The following HSPG2 variants were observed in gnomAD, a reference collection of about 807,000 sequenced individuals.
HSPG2 encodes heparan sulfate proteoglycan 2.
HSPG2 carries 278 observed loss-of-function variants against 526.6 expected under a neutral mutation model. The ratio of observed to expected loss-of-function variants is 0.53; its 90% CI spans 0.48 to 0.58. The LOEUF (loss-of-function observed/expected upper bound fraction) is 0.58, where lower values mean the gene tolerates loss of function less well. Among genes scored for constraint, HSPG2 ranks in the 20% least tolerant of loss-of-function variants. The probability of loss-of-function intolerance (pLI) is 0.00; values close to 1 mark genes in which losing one functional copy is unlikely to be tolerated. For missense variants in HSPG2, 5,354 were observed against 6,099.5 expected, an observed-to-expected ratio of 0.88 and a Z score of 4.07; for synonymous variants, 2,465 against 2,555.4, an observed-to-expected ratio of 0.96 and a Z score of 1.07.
Position 21,846,538 on chromosome 1 carries a change from C to T in HSPG2, c.8226G>A (p.Glu2742=), listed in dbSNP as rs745624545. 1.9e-6 allele frequency: 3 copies of T among 1,613,754 alleles called. No individual in the cohort carries two copies. The African/African-American group carries it at 4.0e-5, about 21-fold the overall frequency. Residue 2742 remains glutamate, a synonymous_variant, in exon 63 of 97, where the codon GAG becomes GAA. Transcript: ENST00000374695. ...GGACCACGCAGTTCAGATCCAGGGTCTCCCCTTCGGCCACGTGTGAGGAGG... is the reference window on the plus strand; with the variant it reads ...GGACCACGCAGTTCAGATCCAGGGTTTCCCCTTCGGCCACGTGTGAGGAGG... ...ESSSSHVAEG[E]TLDLNCVVPG...
chr1:21,875,604 G>C (rs1179583941), intron 25 of HSPG2, 25 bp downstream of exon 25: 1 of 1,573,892 alleles, frequency 6.4e-7, no homozygotes, highest in Non-Finnish European at 8.6e-7. Context: ...GCCCATGCTG[G>C]TCCTCCTGCC....
At position 21,880,846 on chromosome 1, in the gene HSPG2, A is replaced by G. The variant is rs1188611128; in HGVS notation, c.1819-11T>C. 6.3e-7 allele frequency: 1 copy of G among 1,584,218 alleles called. No individual in the cohort carries two copies. The stretch of plus-strand genomic sequence containing the variant: ...GCCATAGGAGTCCACCTGGCACAAC[A>G]GGGTGGATCAGCACGGGCAGCTGTG... On this transcript the variant is annotated splice_polypyrimidine_tract_variant and intron_variant, in intron 14 of 96. Coordinates refer to ENST00000374695, the MANE Select transcript of HSPG2 (RefSeq NM_005529.7).
chr1:21,872,394 G>A lies in HSPG2; in HGVS notation c.4030-17C>T, dbSNP rs1572305354. 1.3e-6 allele frequency: 2 copies of A among 1,554,104 alleles called. No homozygotes were observed. Among genetic ancestry groups the A allele is most frequent in the Non-Finnish European group, 8.7e-7 (1 of 1,147,526 alleles). ...GGTGGAGATCTGGCAGGGGAAAAAG[G>A]AGGGGGCGTCAGCCTGAGCACCGGG... On this transcript the variant is annotated splice_polypyrimidine_tract_variant and intron_variant, in intron 32 of 96. Coordinates refer to ENST00000374695, the MANE Select transcript of HSPG2 (RefSeq NM_005529.7). This position sits in a 1 kb window ranked among gnomAD's most constrained non-coding sequence, Gnocchi z 5.5.
chr1:21,894,553 G>A (rs1642609710), intron 3 of HSPG2, among the ~76,000 whole-genome samples: 1 of 152,128 alleles, frequency 6.6e-6, no homozygotes, highest in South Asian at 2.1e-4. Flanking sequence ...CTGGTCTTGG[G>A]CCCCCTACAG....
rs1380610851 is a variant in HSPG2 at position 21,841,217 on chromosome 1, C to T, written c.9397G>A (p.Glu3133Lys). The T allele has an allele frequency of 6.2e-7, 1 of 1,613,786 alleles. No individual in the cohort carries two copies. Among genetic ancestry groups the T allele is most frequent in the Non-Finnish European group, 8.5e-7 (1 of 1,180,050 alleles). The change falls in exon 71 of 97, where the codon GAG (glutamate) becomes AAG (lysine). Residue 3133 changes from glutamate to lysine, a missense_variant. Physicochemically the swap from Glu to Lys is moderately conservative, Grantham distance 56. Transcript: ENST00000374695. ...WVKVGKAVTL[E>K]CVSAGEPRSS... ...CGGGGCTCCCCGGCACTGACACACT[C>T]CAGGGTGACAGCCTTTCCCACTTTC...
At chr1:21,863,377 AAAAAGAAAAAG>A (rs997185900) in intron 37 of HSPG2, among the ~76,000 whole-genome samples, 8 of 152,072 alleles carry the variant, frequency 5.3e-5, no homozygotes, top group African/African-American at 1.2e-4. Flanking sequence ...TCTTGAAAAA[AAAAAGAAAAAG>A]AAAAGAAAAA....
intron 33 of HSPG2, among the ~76,000 whole-genome samples, chr1:21,867,331 A>G (rs1191781864): frequency 6.6e-6 from 1 of 151,970 alleles, no homozygotes; most frequent in Non-Finnish European, 1.5e-5. Context: ...GCGATTTTTC[A>G]GCCTCAGTCT....
chr1:21,909,130 G>T (rs2152785948), intron 1 of HSPG2, among the ~76,000 whole-genome samples: 1 of 152,212 alleles, frequency 6.6e-6, no homozygotes, highest in South Asian at 2.1e-4. Flanking sequence ...CAGAAACAAT[G>T]TCAGGACAGA....
chr1:21,884,750 C>A lies in HSPG2; in HGVS notation c.1507+17G>T, dbSNP rs753024553. On this transcript the variant is annotated intron_variant, in intron 12 of 96. Transcript: ENST00000374695. ...GCTCTGCCCCCACACCCGGTGACACCTGCCCTCCGGCAGTACCTCGTTGTG... is the reference window on the plus strand; with the variant it reads ...GCTCTGCCCCCACACCCGGTGACACATGCCCTCCGGCAGTACCTCGTTGTG... The A allele has an allele frequency of 6.2e-6, 10 of 1,612,916 alleles. No homozygotes were observed. The highest frequency in any genetic ancestry group is 7.6e-6 in the Non-Finnish European group (9 of 1,179,868).
chr1:21,862,237 TG>T (rs1639846592), intron 37 of HSPG2, 122 bp from the exon 38 acceptor site: 3 of 1,153,056 alleles, frequency 2.6e-6, no homozygotes, highest in South Asian at 2.6e-5. Context: ...GAAAGAATCA[TG>T]GAAGGGCACA....
Position 21,824,608 on chromosome 1 carries a change from C to G in HSPG2, c.12673G>C (p.Glu4225Gln), listed in dbSNP as rs367606633. The G allele has an allele frequency of 1.2e-6, 2 of 1,613,958 alleles. No homozygotes were observed. The highest frequency in any genetic ancestry group is 1.3e-5 in the African/African-American group (1 of 74,934). ...TCCAGCTCGATGGTCTCGGGCACCT[C>G]GGGCAGGCTGCGGAGGAAGAGCGGG... Reference protein sequence around the residue: ...PGHVFSRSLPEVPETIELEVR... With the variant: ...PGHVFSRSLPQVPETIELEVR... The change falls in exon 93 of 97, where the codon GAG becomes CAG. Residue 4225 changes from glutamate (E) to glutamine (Q), a missense_variant. Glu to Gln is a conservative substitution (Grantham distance 29). Coordinates refer to ENST00000374695, the MANE Select transcript of HSPG2 (RefSeq NM_005529.7). The surrounding 1 kb of genome is among the most constrained non-coding windows in gnomAD (Gnocchi z 5.9).
At chr1:21,862,532 C>A (rs571705008) in intron 37 of HSPG2, among the ~76,000 whole-genome samples, 1 of 145,918 alleles carries the variant, frequency 6.9e-6, no homozygotes, top group South Asian at 2.2e-4. Context: ...TGGAGTGAGC[C>A]GAGATTGCAC....
At chr1:21,908,888 C>G (rs1009516599) in intron 1 of HSPG2, among the ~76,000 whole-genome samples, 12 of 152,206 alleles carry the variant, frequency 7.9e-5, no homozygotes, top group African/African-American at 1.9e-4. Flanking sequence ...CACTTTGGGA[C>G]TGGTGGTCAG....
Position 21,905,211 on chromosome 1 carries a change from T to C in HSPG2, c.64-8901A>G, listed in dbSNP as rs564509576. ...CACACACACACACACACAATCATGG[T>C]CAACCAGGTTCTATGTAATCTGTCT... is the stretch of plus-strand genomic sequence containing the variant. On this transcript the variant is annotated intron_variant, in intron 1 of 96. Coordinates refer to ENST00000374695, the MANE Select transcript of HSPG2 (RefSeq NM_005529.7). Among the ~76,000 whole-genome samples the C allele has an allele frequency of 9.8e-3, 1,375 of 139,922 alleles. 8 individuals are homozygous for C. Among genetic ancestry groups the C allele is most frequent in the Non-Finnish European group, 0.016 (1,058 of 64,558 alleles). The allele number at this position is 139,922 out of a possible 152,430, so 91.8% of individuals were successfully genotyped here.
intron 77 of HSPG2, among the ~76,000 whole-genome samples, chr1:21,834,382 C>T (rs554108889): frequency 3.9e-5 from 6 of 152,318 alleles, no homozygotes; most frequent in Admixed American, 3.3e-4. Context: ...TCAGACTATG[C>T]TGCAGGTCTC....
chr1:21,936,191 T>C (rs1225572333), intron 1 of HSPG2, among the ~76,000 whole-genome samples: 2 of 152,064 alleles, frequency 1.3e-5, no homozygotes, highest in Non-Finnish European at 2.9e-5. Flanking sequence ...CATCTGCCAC[T>C]AGCTCCCTGC....
At chr1:21,873,888 G>T in intron 29 of HSPG2, 37 bp downstream of exon 29, 1 of 1,522,224 alleles carries the variant, frequency 6.6e-7, no homozygotes, top group Non-Finnish European at 8.9e-7. Context: ...GACACCCCCT[G>T]TGCGCATCCC....
chr1:21,873,310 T>G, intron 30 of HSPG2, 65 bp downstream of exon 30: 1 of 1,567,762 alleles, frequency 6.4e-7, no homozygotes, highest in Admixed American at 1.7e-5. Context: ...TAAAGGCTTC[T>G]GTCCTAGCTC....
chr1:21,886,618 C>T (rs1641914938), intron 9 of HSPG2, among the ~76,000 whole-genome samples: 3 of 152,072 alleles, frequency 2.0e-5, no homozygotes, highest in East Asian at 1.9e-4. Context: ...TCAGGATGCC[C>T]GTAATGTCCA....
Sources: allele counts gnomAD v4.1 joint callset (sites outside exome capture counted in the v4.1 genomes callset), GRCh38; gene constraint gnomAD v4.1.1; non-coding constraint Gnocchi (gnomAD v3.1); transcripts MANE v1.5; gene names NCBI Gene and HGNC (gene_info 2026-07-23, HGNC 2026-07-21).